The following PDE8A variants were observed in gnomAD, a reference collection of about 807,000 sequenced individuals.
The protein encoded by PDE8A is high affinity cAMP-specific and IBMX-insensitive 3',5'-cyclic phosphodiesterase 8A.
PDE8A carries 59 observed loss-of-function variants against 105.0 expected under a neutral mutation model. The ratio of observed to expected loss-of-function variants is 0.56; its 90% CI spans 0.46 to 0.70. The LOEUF is 0.70. Ranked by LOEUF, PDE8A falls within the 30% of genes least tolerant of loss-of-function variation. The pLI is 0.00. For synonymous variants in PDE8A, 355 were observed against 371.9 expected (o/e 0.95, Z 0.52); for missense variants, 1,014 against 1,045.9 (o/e 0.97, Z 0.42).
At chr15:85,108,917 T>C (rs1838069308) in intron 11 of PDE8A, 136 bp from the exon 12 acceptor site, 1 of 604,410 alleles carries the variant, frequency 1.7e-6, no homozygotes, top group African/African-American at 1.9e-5. Flanking sequence ...ATAGTCTTCA[T>C]CTCTGTACTG....
chr15:85,094,634 A>T (rs1326491304), intron 8 of PDE8A, among the ~76,000 whole-genome samples: 1 of 152,150 alleles, frequency 6.6e-6, no homozygotes, highest in Non-Finnish European at 1.5e-5. Context: ...CCTACCTCAC[A>T]GTTGCTTTGA....
At chr15:85,067,307 C>G (rs2081245178) in intron 3 of PDE8A, 103 bp downstream of exon 3, 1 of 772,060 alleles carries the variant, frequency 1.3e-6, no homozygotes, top group Non-Finnish European at 2.0e-6. Context: ...AAGTTGCTTT[C>G]CATGCATGTG....
chr15:85,069,834 A>G (rs1282864652), intron 3 of PDE8A, among the ~76,000 whole-genome samples: 1 of 152,182 alleles, frequency 6.6e-6, no homozygotes, highest in Non-Finnish European at 1.5e-5. Flanking sequence ...CTACCACGTC[A>G]TCTCCATCTT....
intron 18 of PDE8A, among the ~76,000 whole-genome samples, chr15:85,122,678 C>G (rs1012536572): frequency 6.6e-6 from 1 of 152,168 alleles, no homozygotes; most frequent in Non-Finnish European, 1.5e-5. Context: ...GTGGAGGTAT[C>G]AAGTACTCCC....
chr15:85,108,370 C>T (rs1253121939), intron 11 of PDE8A, among the ~76,000 whole-genome samples: 2 of 152,136 alleles, frequency 1.3e-5, no homozygotes, highest in African/African-American at 2.4e-5. Context: ...CAAAGCAGCT[C>T]CTAGTTTCCT....
In PDE8A at chr15:85,075,925, T is replaced by G; in HGVS notation, c.491+7T>G. ...TTGTTGGTGTAGTACGCAGGTAAAC[T>G]TTCATTTTTTTAATGTTGAAATTGA... On this transcript the variant is annotated splice_region_variant and intron_variant, in intron 4 of 21. Transcript: ENST00000394553. The G allele has an allele frequency of 1.3e-6, 2 of 1,513,478 alleles. No individual in the cohort carries two copies. The highest frequency in any genetic ancestry group is 1.8e-6 in the Non-Finnish European group (2 of 1,094,364). The allele number at this position is 1,513,478 out of a possible 1,614,324, so 93.8% of individuals were successfully genotyped here. A position where few individuals can be genotyped will look rare whatever the true frequency, so the allele number is the denominator to read the frequency against.
At chr15:85,085,721 T>C (rs938625228) in intron 6 of PDE8A, among the ~76,000 whole-genome samples, 1 of 145,244 alleles carries the variant, frequency 6.9e-6, no homozygotes, top group African/African-American at 2.5e-5. Context: ...ATTTAGTAGA[T>C]GATCGGCTGG....
intron 3 of PDE8A, among the ~76,000 whole-genome samples, chr15:85,070,180 G>A (rs549919075): frequency 4.6e-5 from 7 of 152,196 alleles, no homozygotes; most frequent in South Asian, 2.1e-4. Context: ...GCTTTTCATC[G>A]GTTGTTGACC....
At chr15:85,036,729 C>T (rs887151796) in intron 1 of PDE8A, among the ~76,000 whole-genome samples, 2 of 152,058 alleles carry the variant, frequency 1.3e-5, no homozygotes, top group Non-Finnish European at 2.9e-5. Context: ...CCTCAGCTGC[C>T]CATCTAAAGG....
rs2081042471 is a variant in PDE8A at position 85,055,284 on chromosome 15, T to C, written c.187-9086T>C. Among the ~76,000 whole-genome samples, 5 of 152,242 alleles carry C rather than the reference T, an allele frequency of 3.3e-5. No individual in the cohort carries two copies. The South Asian group carries it at 1.0e-3, about 32-fold the overall frequency. On this transcript the variant is annotated intron_variant, in intron 1 of 21. Transcript: ENST00000394553. Reference sequence around the variant, plus strand: ...TGTGGTGGTGAGAAGAATGTATATTTTGTTGATTTGGGGTGGAGAGTTCTG... The same window carrying C: ...TGTGGTGGTGAGAAGAATGTATATTCTGTTGATTTGGGGTGGAGAGTTCTG...
chr15:85,046,065 CTTTTTTT>C (rs34486009), intron 1 of PDE8A, among the ~76,000 whole-genome samples: 3 of 124,448 alleles, frequency 2.4e-5, no homozygotes, highest in African/African-American at 5.9e-5. Context: ...CTTTCTGTTT[CTTTTTTT>C]TTTTTTTTTT....
At chr15:85,022,426 G>GTTT (rs3042744) in intron 1 of PDE8A, among the ~76,000 whole-genome samples, 1 of 134,462 alleles carries the variant, frequency 7.4e-6, no homozygotes, top group Non-Finnish European at 1.6e-5. Flanking sequence ...TATTGGAAGT[G>GTTT]TTTTTTTTTT....
intron 8 of PDE8A, among the ~76,000 whole-genome samples, chr15:85,094,922 C>T (rs1244331940): frequency 6.6e-6 from 1 of 152,156 alleles, no homozygotes; most frequent in East Asian, 1.9e-4. Flanking sequence ...AGCTCATAGT[C>T]CTCAGCTTGG....
rs137989539 is a variant in PDE8A at position 85,029,790 on chromosome 15, C to T, written c.187-34580C>T. Reference sequence around the variant, plus strand: ...GTTAGGACCCTTCAGCTGCAACTAACAGCATTCAGAACTAAAAAGCAACTT... The same window carrying T: ...GTTAGGACCCTTCAGCTGCAACTAATAGCATTCAGAACTAAAAAGCAACTT... On this transcript the variant is annotated intron_variant, in intron 1 of 21. Transcript: ENST00000394553. 1.3e-3 allele frequency among the ~76,000 whole-genome samples: 199 copies of T among 152,298 alleles called. 4 individuals are homozygous for T. The East Asian group carries it at 0.027, about 21-fold the overall frequency.
intron 1 of PDE8A, among the ~76,000 whole-genome samples, chr15:85,040,562 A>T (rs1400175959): frequency 1.4e-4 from 19 of 132,914 alleles, no homozygotes; most frequent in Admixed American, 3.9e-4. Context: ...GTGCTTATGT[A>T]TTTTTTTTTT....
In PDE8A at chr15:85,126,903, C is replaced by T. The variant is rs368936696; in HGVS notation, c.2253+529C>T. Reference sequence around the variant, plus strand: ...AAACAGTGATTCTCATGTCCTCTGACTTCCCATCAAAAACTATGAAGGCCA... The same window carrying T: ...AAACAGTGATTCTCATGTCCTCTGATTTCCCATCAAAAACTATGAAGGCCA... On this transcript the variant is annotated intron_variant, in intron 20 of 21. Coordinates refer to ENST00000394553, the MANE Select transcript of PDE8A (RefSeq NM_002605.3). 4.6e-5 allele frequency among the ~76,000 whole-genome samples: 7 copies of T among 152,192 alleles called. No individual in the cohort carries two copies. The East Asian group carries it at 9.6e-4, about 21-fold the overall frequency.
At chr15:85,091,508 T>C (rs968370418) in intron 8 of PDE8A, among the ~76,000 whole-genome samples, 1 of 152,210 alleles carries the variant, frequency 6.6e-6, no homozygotes, top group African/African-American at 2.4e-5. Context: ...GGGTAAAGAA[T>C]TGCCAGTAAG....
chr15:85,041,925 C>A (rs936314712), intron 1 of PDE8A, among the ~76,000 whole-genome samples: 3 of 152,158 alleles, frequency 2.0e-5, no homozygotes, highest in African/African-American at 7.2e-5. Context: ...ACTTACCTCT[C>A]GTTCCAGTAG....
intron 1 of PDE8A, among the ~76,000 whole-genome samples, chr15:85,052,082 C>G (rs1242324758): frequency 6.6e-6 from 1 of 151,626 alleles, no homozygotes; most frequent in African/African-American, 2.4e-5. Context: ...GTTTGGTTTT[C>G]TGTCCTTGCA....
Sources: allele counts gnomAD v4.1 joint callset (sites outside exome capture counted in the v4.1 genomes callset), GRCh38; gene constraint gnomAD v4.1.1; transcripts MANE v1.5; gene names NCBI Gene and HGNC (gene_info 2026-07-23, HGNC 2026-07-21).